The following ITGAE variants were observed in gnomAD, a reference collection of about 807,000 sequenced individuals.
ITGAE encodes the protein integrin subunit alpha E.
ITGAE carries 99 observed loss-of-function variants against 136.5 expected under a neutral mutation model. That is an observed-to-expected ratio of 0.73 (90% CI 0.62 to 0.86). ITGAE has a LOEUF of 0.86. Ranked by LOEUF, ITGAE falls within the 40% of genes least tolerant of loss-of-function variation. The pLI is 0.00. For missense variants in ITGAE, 1,447 were observed against 1,515.3 expected (o/e 0.95, Z 0.75); for synonymous variants, 613 against 591.8 (o/e 1.04, Z -0.52).
At chr17:3,735,813 A>G (rs2051447589) in intron 20 of ITGAE, among the ~76,000 whole-genome samples, 1 of 152,156 alleles carries the variant, frequency 6.6e-6, no homozygotes, top group Admixed American at 6.6e-5. Flanking sequence ...CCCTCATAGT[A>G]ACCCTGTGAA....
chr17:3,724,002 A>C (rs1334681647), intron 26 of ITGAE: 7 of 1,594,736 alleles, frequency 4.4e-6, no homozygotes, highest in Non-Finnish European at 6.0e-6. Context: ...GGACGGCAGG[A>C]GACAGCGGCG....
chr17:3,778,562 C>A (rs1210985221), intron 1 of ITGAE, among the ~76,000 whole-genome samples: 1 of 147,068 alleles, frequency 6.8e-6, no homozygotes, highest in African/African-American at 2.7e-5. Context: ...GACTCCGTCT[C>A]AAAACAACAA....
intron 2 of ITGAE, among the ~76,000 whole-genome samples, chr17:3,764,169 C>T (rs1422297419): frequency 6.6e-6 from 1 of 152,202 alleles, no homozygotes; most frequent in Non-Finnish European, 1.5e-5. Flanking sequence ...TTAAATGCAA[C>T]CCCTCTCTGC....
Position 3,731,084 on chromosome 17 carries a change from G to C in ITGAE, c.2834+20C>G. The C allele has an allele frequency of 6.3e-7, 1 of 1,594,628 alleles. No individual in the cohort carries two copies. The highest frequency in any genetic ancestry group is 8.6e-7 in the Non-Finnish European group (1 of 1,162,482). ...TCCGGGGTCATAGCCTGACTCTGCT[G>C]TGACCCAGGCAGTACTTACTTGGTG... On this transcript the variant is annotated intron_variant, in intron 23 of 30. Coordinates refer to ENST00000263087, the MANE Select transcript of ITGAE (RefSeq NM_002208.5).
chr17:3,725,324 T>A, intron 26 of ITGAE: 1 of 1,614,240 alleles, frequency 6.2e-7, no homozygotes. Flanking sequence ...CTGAAAAGGT[T>A]TATGGGGAAT....
Position 3,763,854 on chromosome 17 carries a change from T to G in ITGAE, c.247+15A>C, listed in dbSNP as rs149659565. 10,571 of 1,604,386 alleles carry G rather than the reference T, an allele frequency of 6.6e-3. 52 individuals carry two copies. Among genetic ancestry groups the G allele is most frequent in the Non-Finnish European group, 8.3e-3 (9,748 of 1,171,722 alleles). ...GGGTCCTGGGGAGCATTCCCTGGAGTTGGGGCTGACTTACCTACAGGATGG... is the reference window on the plus strand; with the variant it reads ...GGGTCCTGGGGAGCATTCCCTGGAGGTGGGGCTGACTTACCTACAGGATGG... On this transcript the variant is annotated intron_variant, in intron 3 of 30. Transcript: ENST00000263087.
Position 3,718,953 on chromosome 17 carries a change from C to T in ITGAE, c.3333+1354G>A, listed in dbSNP as rs183352618. 3.9e-5 allele frequency among the ~76,000 whole-genome samples: 6 copies of T among 152,170 alleles called. No homozygotes were observed. In the East Asian group the frequency reaches 5.8e-4, roughly 15 times the overall value. ...CTGTATTAGAAATACACTACTTAGC[C>T]GGACATGGTGGCTCATGCCTGTAAT... On this transcript the variant is annotated intron_variant, in intron 29 of 30. Transcript: ENST00000263087.
chr17:3,778,334 G>A (rs552395167), intron 1 of ITGAE, among the ~76,000 whole-genome samples: 2 of 152,228 alleles, frequency 1.3e-5, no homozygotes, highest in African/African-American at 2.4e-5. Context: ...AGGCCGAGGC[G>A]GCTGGATCAC....
intron 19 of ITGAE, among the ~76,000 whole-genome samples, chr17:3,743,269 CA>C (rs1339895639): frequency 6.6e-6 from 1 of 152,244 alleles, no homozygotes; most frequent in African/African-American, 2.4e-5. Context: ...GAACAAGCCC[CA>C]GGGGCAGATG....
chr17:3,755,061 TCCA>T (rs2051977742), intron 12 of ITGAE, 53 bp downstream of exon 12: 26 of 307,200 alleles, frequency 8.5e-5, no homozygotes, highest in South Asian at 2.4e-4. Context: ...CCAGGGAGCC[TCCA>T]GGCCCCGCCC....
At chr17:3,757,979 C>G in intron 8 of ITGAE, 120 bp from the exon 9 acceptor site, 1 of 1,200,228 alleles carries the variant, frequency 8.3e-7, no homozygotes, top group Non-Finnish European at 1.2e-6. Flanking sequence ...TCCCGAAAGA[C>G]CCAGAGAAGG....
intron 1 of ITGAE, among the ~76,000 whole-genome samples, chr17:3,795,772 TGC>T (rs1243640462): frequency 3.5e-5 from 5 of 143,200 alleles, no homozygotes; most frequent in East Asian, 1.9e-4. Flanking sequence ...ACTGTGTACG[TGC>T]GTGTGTGCAT....
At chr17:3,762,589 A>ATT (rs1201695419) in intron 3 of ITGAE, among the ~76,000 whole-genome samples, 113 of 111,802 alleles carry the variant, frequency 1.0e-3, no homozygotes, top group Non-Finnish European at 1.2e-3. Flanking sequence ...TCAGACAAGG[A>ATT]TTTTTTTTTT....
chr17:3,758,288 C>G (rs2052078415), intron 8 of ITGAE, among the ~76,000 whole-genome samples: 1 of 152,162 alleles, frequency 6.6e-6, no homozygotes, highest in African/African-American at 2.4e-5. Flanking sequence ...CTCTGTCACC[C>G]AGGCTGGAGT....
chr17:3,727,114 G>C (rs1354625739), intron 26 of ITGAE, among the ~76,000 whole-genome samples: 1 of 145,442 alleles, frequency 6.9e-6, no homozygotes, highest in East Asian at 2.0e-4. Context: ...TGTAGTCTGA[G>C]CAAAAAAAAA....
At chr17:3,735,522 C>T (rs1158352904) in intron 20 of ITGAE, among the ~76,000 whole-genome samples, 1 of 151,996 alleles carries the variant, frequency 6.6e-6, no homozygotes, top group African/African-American at 2.4e-5. Context: ...CATGTGGAGG[C>T]GGGTCTTGAA....
chr17:3,747,961 A>G lies in ITGAE; in HGVS notation c.2116T>C (p.Cys706Arg). Residue 706 changes from cysteine to arginine, a missense_variant, in exon 17 of 31, where the codon TGT becomes CGT. Physicochemically the swap from Cys to Arg is radical, Grantham distance 180. Coordinates refer to ENST00000263087, the MANE Select transcript of ITGAE (RefSeq NM_002208.5). ...GTGGTTACAGAGCTGATTTCAAAAC[A>G]TAAACGGACATTCACGACGCCGTTG... ...GFNGVVNVRL[C>R]FEISSVTTAS... 1 of 1,610,070 alleles carries G rather than the reference A, an allele frequency of 6.2e-7. No individual in the cohort carries two copies. Among genetic ancestry groups the G allele is most frequent in the Non-Finnish European group, 8.5e-7 (1 of 1,177,530 alleles).
At chr17:3,760,105 T>C (rs2052128197) in intron 7 of ITGAE, 67 bp downstream of exon 7, 7 of 919,098 alleles carry the variant, frequency 7.6e-6, no homozygotes, top group African/African-American at 3.3e-5. Flanking sequence ...AATGTGGTGA[T>C]TGTTGTTCTG....
Position 3,795,796 on chromosome 17 carries a change from CGTGT to C in ITGAE, c.34+5311_34+5314del, listed in dbSNP as rs555925364. ...GTGCGTGTGTGCATGTGTGTGCATC[CGTGT>C]GTGCTTGTGTGCATCCGTGTGCATC... On this transcript the variant is annotated intron_variant, in intron 1 of 30. Transcript: ENST00000263087. Among the ~76,000 whole-genome samples, 113 of 151,636 alleles carry C rather than the reference CGTGT, an allele frequency of 7.5e-4. 1 individual carries two copies. Among genetic ancestry groups the C allele is most frequent in the South Asian group, 6.7e-3 (32 of 4,780 alleles).
Sources: gnomAD v4.1 joint callset for allele counts (sites outside exome capture counted in the v4.1 genomes callset) on GRCh38, gnomAD v4.1.1 for gene constraint, MANE v1.5 for transcripts, NCBI Gene and HGNC (gene_info 2026-07-23, HGNC 2026-07-21) for gene names.